FAM135B: variants seen among roughly 807,000 people sequenced by gnomAD.
The protein encoded by FAM135B is family with sequence similarity 135 member B.
A neutral mutation model predicts 127.7 loss-of-function variants in FAM135B; 43 were observed. The ratio of observed to expected loss-of-function variants is 0.34; its 90% CI spans 0.26 to 0.43. The LOEUF is 0.43. FAM135B is among the 20% of genes least tolerant of loss of function. The probability of loss-of-function intolerance (pLI) is 1.00; values close to 1 mark genes in which losing one functional copy is unlikely to be tolerated. For synonymous variants in FAM135B, 670 were observed against 665.1 expected (o/e 1.01, Z -0.11); for missense variants, 1,558 against 1,725.6 (o/e 0.90, Z 1.72).
At chr8:138,239,821 A>T (rs1463287542) in intron 7 of FAM135B, among the ~76,000 whole-genome samples, 1 of 152,190 alleles carries the variant, frequency 6.6e-6, no homozygotes. Context: ...ATGCAGCCAT[A>T]AAAAAGGATG....
intron 2 of FAM135B, among the ~76,000 whole-genome samples, chr8:138,321,736 C>T (rs1827467142): frequency 6.6e-6 from 1 of 152,174 alleles, no homozygotes; most frequent in African/African-American, 2.4e-5. Context: ...TAAATGAGTG[C>T]TTTTAATAAT....
chr8:138,310,781 C>A (rs1449059893), intron 3 of FAM135B, 60 bp downstream of exon 3: 2 of 1,475,282 alleles, frequency 1.4e-6, no homozygotes, highest in African/African-American at 1.4e-5. Context: ...CCCTGGCGAG[C>A]AGTGACAAAG....
chr8:138,418,884 CA>C (rs761615203), intron 1 of FAM135B, among the ~76,000 whole-genome samples: 2,412 of 116,274 alleles, frequency 0.021, 59 homozygotes, highest in African/African-American at 0.059. Context: ...TCACCAACCA[CA>C]AAAAAAAAAA....
At chr8:138,438,048 C>T (rs1395030221) in intron 1 of FAM135B, 3 of 152,094 alleles carry the variant, frequency 2.0e-5, no homozygotes, top group South Asian at 2.1e-4. Context: ...TAAAAACACC[C>T]GAGAGTACAA....
intron 1 of FAM135B, among the ~76,000 whole-genome samples, chr8:138,492,195 G>A (rs141487417): frequency 5.6e-4 from 85 of 152,182 alleles, no homozygotes; most frequent in African/African-American, 2.0e-3. Context: ...CTTCTCTCAC[G>A]GTGGGAGGAT....
At chr8:138,262,045 G>T (rs558840077) in intron 4 of FAM135B, among the ~76,000 whole-genome samples, 1 of 152,140 alleles carries the variant, frequency 6.6e-6, no homozygotes, top group Non-Finnish European at 1.5e-5. Context: ...CTGCCATATG[G>T]ATTACCCCCA....
chr8:138,490,135 A>G (rs939622773), intron 1 of FAM135B, among the ~76,000 whole-genome samples: 1 of 152,184 alleles, frequency 6.6e-6, no homozygotes, highest in African/African-American at 2.4e-5. Flanking sequence ...GACTGCCTTC[A>G]TTTCACAATT....
At chr8:138,457,199 C>T (rs112813241) in intron 1 of FAM135B, among the ~76,000 whole-genome samples, 104 of 152,018 alleles carry the variant, frequency 6.8e-4, no homozygotes, top group African/African-American at 2.4e-3. Flanking sequence ...AAGTGTGTGC[C>T]GACACACAGA....
chr8:138,312,946 C>T (rs12675439), intron 2 of FAM135B, among the ~76,000 whole-genome samples: 6,802 of 152,204 alleles, frequency 0.045, 268 homozygotes, highest in East Asian at 0.12. Context: ...GAGCAGAGAT[C>T]GCCTTTTAAA....
Position 138,241,897 on chromosome 8 carries a change from A to T in FAM135B, c.669+1045T>A, listed in dbSNP as rs527853134. On this transcript the variant is annotated intron_variant, in intron 7 of 19. Coordinates refer to ENST00000395297, the MANE Select transcript of FAM135B (RefSeq NM_015912.4). The surrounding 1 kb of genome is among the most constrained non-coding windows in gnomAD (Gnocchi z 4.8). ...AACATGAATAGGCCTTATCCAATCC[A>T]TTGAGGGCCTGAATAGGACAAAAAG... Among the ~76,000 whole-genome samples, 1 of 152,140 alleles carries T rather than the reference A, an allele frequency of 6.6e-6. No individual in the cohort carries two copies.
intron 3 of FAM135B, among the ~76,000 whole-genome samples, chr8:138,295,379 G>T (rs1406092802): frequency 6.6e-6 from 1 of 152,032 alleles, no homozygotes; most frequent in Non-Finnish European, 1.5e-5. Flanking sequence ...CAGAATATGG[G>T]TGCCGGCCTT....
At chr8:138,208,156 G>A (rs564734992) in intron 7 of FAM135B, among the ~76,000 whole-genome samples, 1 of 152,292 alleles carries the variant, frequency 6.6e-6, no homozygotes, top group South Asian at 2.1e-4. Flanking sequence ...CTCAGGAATT[G>A]AGGTTGGGGG....
intron 1 of FAM135B, among the ~76,000 whole-genome samples, chr8:138,369,481 G>A (rs557387566): frequency 4.7e-4 from 71 of 152,244 alleles, no homozygotes; most frequent in Middle Eastern, 3.4e-3. Flanking sequence ...TGTTTCATCC[G>A]GGAAATATTT....
chr8:138,438,163 G>T (rs558438216), intron 1 of FAM135B: 1 of 152,160 alleles, frequency 6.6e-6, no homozygotes, highest in South Asian at 2.1e-4. Flanking sequence ...AGAATAAGAG[G>T]CAATTTAAAT....
At position 138,132,268 on chromosome 8, in the gene FAM135B, CAGTA is replaced by C; in HGVS notation, c.*321_*324del. 1 of 292,052 alleles carries C rather than the reference CAGTA, an allele frequency of 3.4e-6. No individual in the cohort carries two copies. Among genetic ancestry groups the C allele is most frequent in the East Asian group, 8.2e-5 (1 of 12,228 alleles). The allele number at this position is 292,052 out of a possible 1,614,324, so 18.1% of individuals were successfully genotyped here. On this transcript the variant is annotated 3_prime_UTR_variant, in exon 20 of 20. Coordinates refer to ENST00000395297, the MANE Select transcript of FAM135B (RefSeq NM_015912.4). The surrounding 1 kb of genome is among the most constrained non-coding windows in gnomAD (Gnocchi z 4.5). Reference sequence around the variant, plus strand: ...GTCTAGTTAAATTGGAGTAATCTCTCAGTAAGCCAGTAGTGGCTAGCAAGGGGAG... The same window carrying C: ...GTCTAGTTAAATTGGAGTAATCTCTCAGCCAGTAGTGGCTAGCAAGGGGAG...
intron 1 of FAM135B, among the ~76,000 whole-genome samples, chr8:138,400,982 GA>G (rs1174267111): frequency 6.6e-6 from 1 of 152,168 alleles, no homozygotes; most frequent in Non-Finnish European, 1.5e-5. Flanking sequence ...GTGCACTTAA[GA>G]AACAACTTAG....
At chr8:138,321,725 C>G (rs1827466696) in intron 2 of FAM135B, among the ~76,000 whole-genome samples, 1 of 152,106 alleles carries the variant, frequency 6.6e-6, no homozygotes, top group South Asian at 2.1e-4. Flanking sequence ...AGTATTGAGT[C>G]TAAATGAGTG....
At chr8:138,410,610 CTAT>C (rs1442017888) in intron 1 of FAM135B, among the ~76,000 whole-genome samples, 2 of 152,056 alleles carry the variant, frequency 1.3e-5, no homozygotes, top group African/African-American at 2.4e-5. Context: ...GTCAGAATGG[CTAT>C]TATTAAAAAG....
chr8:138,396,196 C>T (rs530378891), intron 1 of FAM135B, among the ~76,000 whole-genome samples: 1 of 152,146 alleles, frequency 6.6e-6, no homozygotes, highest in Non-Finnish European at 1.5e-5. Flanking sequence ...CCTCTGAGGG[C>T]CCCATTTGCT....
Sources: gnomAD v4.1 joint callset for allele counts (sites outside exome capture counted in the v4.1 genomes callset) on GRCh38, gnomAD v4.1.1 for gene constraint, Gnocchi (gnomAD v3.1) non-coding constraint, MANE v1.5 for transcripts, NCBI Gene and HGNC (gene_info 2026-07-23, HGNC 2026-07-21) for gene names.